ARRDC4: variants seen among roughly 807,000 people sequenced by gnomAD.
The protein encoded by ARRDC4 is arrestin domain-containing protein 4.
In ARRDC4, 40 loss-of-function variants were observed where a neutral mutation model predicts 44.6. That is an observed-to-expected ratio of 0.90 (90% CI 0.70 to 1.17). The LOEUF (loss-of-function observed/expected upper bound fraction) is 1.17, where lower values mean the gene tolerates loss of function less well. Among genes scored for constraint, ARRDC4 ranks in the 50% most tolerant of loss-of-function variants. The pLI, the probability that ARRDC4 is intolerant of heterozygous loss-of-function variation, is 0.00. For missense variants in ARRDC4, 550 were observed against 559.1 expected, an observed-to-expected ratio of 0.98 and a Z score of 0.16; for synonymous variants, 211 against 221.2, an observed-to-expected ratio of 0.95 and a Z score of 0.41.
At chr15:97,969,453 A>G in intron 5 of ARRDC4, 74 bp downstream of exon 5, 1 of 1,511,176 alleles carries the variant, frequency 6.6e-7, no homozygotes, top group Non-Finnish European at 9.0e-7. Context: ...GTGGGTATGT[A>G]GAGTTGCCTA....
In ARRDC4 at chr15:97,960,819, G is replaced by A; in HGVS notation, c.-43G>A. 1.6e-6 allele frequency: 2 copies of A among 1,268,598 alleles called. No individual in the cohort carries two copies. Among genetic ancestry groups the A allele is most frequent in the Non-Finnish European group, 9.9e-7 (1 of 1,008,604 alleles). The allele number at this position is 1,268,598 out of a possible 1,614,324, so 78.6% of individuals were successfully genotyped here. The stretch of plus-strand genomic sequence containing the variant: ...CGCTGTGCTCGCGACCCCGGCTCCG[G>A]GCCTCTGCCGACCTCAGGGGCAGGA... On this transcript the variant is annotated 5_prime_UTR_variant, in exon 1 of 8. Coordinates refer to ENST00000268042, the MANE Select transcript of ARRDC4 (RefSeq NM_183376.3).
intron 5 of ARRDC4, 58 bp downstream of exon 5, chr15:97,969,437 G>C: frequency 3.2e-6 from 5 of 1,577,644 alleles, no homozygotes; most frequent in South Asian, 1.1e-5. Flanking sequence ...CTGATGTCAT[G>C]TTACTGTGGG....
rs1899523762 is a variant in ARRDC4 at position 97,971,990 on chromosome 15, T to C, written c.*803T>C. 6.6e-6 allele frequency: 1 copy of C among 152,580 alleles called. No homozygotes were observed. Among genetic ancestry groups the C allele is most frequent in the Non-Finnish European group, 1.5e-5 (1 of 68,018 alleles). 9.5% of individuals were successfully genotyped at this position (152,580 alleles called of 1,614,324 possible). ...CATATCTTATTTACCTAGGAGCATG[T>C]AAGAGAAAGAAGGGAGAGAAAAGGT... On this transcript the variant is annotated 3_prime_UTR_variant, in exon 8 of 8. Coordinates refer to ENST00000268042, the MANE Select transcript of ARRDC4 (RefSeq NM_183376.3).
At position 97,970,889 on chromosome 15, in the gene ARRDC4, C is replaced by T. The variant is rs1596306135; in HGVS notation, c.1200+146C>T. 7 of 1,078,428 alleles carry T rather than the reference C, an allele frequency of 6.5e-6. No homozygotes were observed. The highest frequency in any genetic ancestry group is 1.6e-5 in the African/African-American group (1 of 62,598). The allele number at this position is 1,078,428 out of a possible 1,614,324, so 66.8% of individuals were successfully genotyped here. A position where few individuals can be genotyped will look rare whatever the true frequency, so the allele number is the denominator to read the frequency against. On this transcript the variant is annotated intron_variant, in intron 7 of 7. Coordinates refer to ENST00000268042, the MANE Select transcript of ARRDC4 (RefSeq NM_183376.3). This position sits in a 1 kb window ranked among gnomAD's most constrained non-coding sequence, Gnocchi z 4.2. ...TGTTTATACAGTGGTAATAGATTAT[C>T]GCTGATTCATTTGCCAGATTTTTTT...
Position 97,971,826 on chromosome 15 carries a change from T to C in ARRDC4, c.*639T>C, listed in dbSNP as rs1899520763. On this transcript the variant is annotated 3_prime_UTR_variant, in exon 8 of 8. Coordinates refer to ENST00000268042, the MANE Select transcript of ARRDC4 (RefSeq NM_183376.3). ...TTTATAAATCGGCAGTACGGTATTA[T>C]GAAACCAAGAAAGGGTTTCTTGAAA... The C allele has an allele frequency of 1.3e-5, 2 of 152,206 alleles. No homozygotes were observed. Among genetic ancestry groups the C allele is most frequent in the South Asian group, 2.1e-4 (1 of 4,832 alleles). The allele number at this position is 152,206 out of a possible 1,614,324, so 9.4% of individuals were successfully genotyped here.
In ARRDC4 at chr15:97,965,539, G is replaced by T. The variant is rs951175456; in HGVS notation, c.308-61G>T. On this transcript the variant is annotated intron_variant, in intron 1 of 7. Transcript: ENST00000268042. This position sits in a 1 kb window ranked among gnomAD's most constrained non-coding sequence, Gnocchi z 5.1. The stretch of plus-strand genomic sequence containing the variant: ...CTTCCTTCAAAAAATTATTTACATT[G>T]TGAAAACTCTTGATCTAATACTAAC... 1.5e-6 allele frequency: 2 copies of T among 1,378,880 alleles called. No homozygotes were observed. The highest frequency in any genetic ancestry group is 2.1e-6 in the Non-Finnish European group (2 of 975,582). The allele number at this position is 1,378,880 out of a possible 1,614,324, so 85.4% of individuals were successfully genotyped here. A position where few individuals can be genotyped will look rare whatever the true frequency, so the allele number is the denominator to read the frequency against.
intron 1 of ARRDC4, among the ~76,000 whole-genome samples, chr15:97,962,459 T>C (rs1309635243): frequency 6.6e-6 from 1 of 152,196 alleles, no homozygotes; most frequent in Non-Finnish European, 1.5e-5. Flanking sequence ...GAGACATACA[T>C]TGATTTTTGT....
In ARRDC4 at chr15:97,960,795, G is replaced by T; in HGVS notation, c.-67G>T. On this transcript the variant is annotated 5_prime_UTR_variant, in exon 1 of 8. Coordinates refer to ENST00000268042, the MANE Select transcript of ARRDC4 (RefSeq NM_183376.3). ...CGCGAGCGCCTGTGACAGCGGCGCC[G>T]CTGTGCTCGCGACCCCGGCTCCGGG... The T allele has an allele frequency of 8.0e-7, 1 of 1,244,944 alleles. No homozygotes were observed. The highest frequency in any genetic ancestry group is 1.0e-6 in the Non-Finnish European group (1 of 992,014). The allele number at this position is 1,244,944 out of a possible 1,614,324, so 77.1% of individuals were successfully genotyped here. A position where few individuals can be genotyped will look rare whatever the true frequency, so the allele number is the denominator to read the frequency against.
At position 97,969,128 on chromosome 15, in the gene ARRDC4, G is replaced by A. The variant is rs1420084362; in HGVS notation, c.631G>A (p.Ala211Thr). Residue 211 changes from alanine (A) to threonine (T), a missense_variant, in exon 5 of 8, where the codon GCT (alanine) becomes ACT (threonine). Coordinates refer to ENST00000268042, the MANE Select transcript of ARRDC4 (RefSeq NM_183376.3). ...TGGTTTTGTTTTCTTTTTAGGAGAAGCTATTCCAATCTATGCAGAAATAGA... is the reference window on the plus strand; with the variant it reads ...TGGTTTTGTTTTCTTTTTAGGAGAAACTATTCCAATCTATGCAGAAATAGA... ...IERKGYCNGE[A>T]IPIYAEIENC... 1 of 1,612,064 alleles carries A rather than the reference G, an allele frequency of 6.2e-7. No homozygotes were observed. The highest frequency in any genetic ancestry group is 1.7e-5 in the Admixed American group (1 of 59,902).
chr15:97,968,187 AAT>A lies in ARRDC4; in HGVS notation c.625+73_625+74del, dbSNP rs1899450707. 2 of 1,040,292 alleles carry A rather than the reference AAT, an allele frequency of 1.9e-6. No homozygotes were observed. The highest frequency in any genetic ancestry group is 1.7e-5 in the African/African-American group (1 of 60,576). 64.4% of individuals were successfully genotyped at this position (1,040,292 alleles called of 1,614,324 possible). On this transcript the variant is annotated intron_variant, in intron 4 of 7. Coordinates refer to ENST00000268042, the MANE Select transcript of ARRDC4 (RefSeq NM_183376.3). This position sits in a 1 kb window ranked among gnomAD's most constrained non-coding sequence, Gnocchi z 5.4. ...TCTTAGCTAATTTTAAGTGATTTTA[AAT>A]AGTGTTTTTTGTAATTATATGACGT...
rs1415959489 is a variant in ARRDC4 at position 97,972,281 on chromosome 15, T to C, written c.*1094T>C. On this transcript the variant is annotated 3_prime_UTR_variant, in exon 8 of 8. Coordinates refer to ENST00000268042, the MANE Select transcript of ARRDC4 (RefSeq NM_183376.3). This position sits in a 1 kb window ranked among gnomAD's most constrained non-coding sequence, Gnocchi z 5.3. ...AAATAAACACCAAACCAAAAGAAGG[T>C]AGGAGTGCCATTTTTAGAAAAGACA... The C allele has an allele frequency of 2.0e-5, 3 of 152,558 alleles. No homozygotes were observed. Among genetic ancestry groups the C allele is most frequent in the African/African-American group, 7.2e-5 (3 of 41,418 alleles). 9.5% of individuals were successfully genotyped at this position (152,558 alleles called of 1,614,324 possible). A position where few individuals can be genotyped will look rare whatever the true frequency, so the allele number is the denominator to read the frequency against.
chr15:97,965,907 C>G lies in ARRDC4; in HGVS notation c.387C>G (p.Thr129=). ...TGGTTGGTTTCAGACCTTTGGTCAC[C>G]TCGTTTACTGGGAAATATGGAAGCA... is the stretch of plus-strand genomic sequence containing the variant. ...RFQLPSEPLV[T]SFTGKYGSIQ... Residue 129 remains threonine (T), a synonymous_variant, in exon 3 of 8, where the codon ACC becomes ACG. Coordinates refer to ENST00000268042, the MANE Select transcript of ARRDC4 (RefSeq NM_183376.3). The surrounding 1 kb of genome is among the most constrained non-coding windows in gnomAD (Gnocchi z 5.1). 6.2e-7 allele frequency: 1 copy of G among 1,613,948 alleles called. No homozygotes were observed. The highest frequency in any genetic ancestry group is 8.5e-7 in the Non-Finnish European group (1 of 1,179,994).
At position 97,965,967 on chromosome 15, in the gene ARRDC4, C is replaced by T; in HGVS notation, c.447C>T (p.Pro149=). 1 of 1,614,128 alleles carries T rather than the reference C, an allele frequency of 6.2e-7. No homozygotes were observed. The highest frequency in any genetic ancestry group is 1.1e-5 in the South Asian group (1 of 91,086). Residue 149 remains proline (P), a synonymous_variant, in exon 3 of 8, where the codon CCC becomes CCT. Coordinates refer to ENST00000268042, the MANE Select transcript of ARRDC4 (RefSeq NM_183376.3). This position sits in a 1 kb window ranked among gnomAD's most constrained non-coding sequence, Gnocchi z 5.1. The stretch of plus-strand genomic sequence containing the variant: ...GTGTGCGGGCAGTGTTGGAACGACC[C>T]AAGGTACCTGATCAGAGTGTAAAGC... ...QYCVRAVLER[P]KVPDQSVKRE... is the part of the protein sequence containing the mutation.
At position 97,961,092 on chromosome 15, in the gene ARRDC4, C is replaced by T. The variant is rs112100339; in HGVS notation, c.231C>T (p.Ala77=). ...CGAGCACCTGCCCCCGCGCCTCGGC[C>T]AGCACCGCGGCCCTGGCTGTCTTCT... The part of the protein sequence containing the change: ...WGPSTCPRAS[A]STAALAVFSE... Residue 77 remains alanine (A), a synonymous_variant, in exon 1 of 8, where the codon GCC becomes GCT. Transcript: ENST00000268042. The T allele has an allele frequency of 0.29, 412,551 of 1,442,820 alleles. 62,623 individuals carry two copies. The highest frequency in any genetic ancestry group is 0.31 in the Non-Finnish European group (340,013 of 1,104,556). The allele number at this position is 1,442,820 out of a possible 1,614,324, so 89.4% of individuals were successfully genotyped here.
rs1202775525 is a variant in ARRDC4, at chr15:97,968,193, G to GT, written c.625+83dup. 3 of 948,088 alleles carry GT rather than the reference G, an allele frequency of 3.2e-6. No homozygotes were observed. Among genetic ancestry groups the GT allele is most frequent in the Non-Finnish European group, 4.6e-6 (3 of 653,706 alleles). 58.7% of individuals were successfully genotyped at this position (948,088 alleles called of 1,614,324 possible). ...CTAATTTTAAGTGATTTTAAATAGT[G>GT]TTTTTTGTAATTATATGACGTGTAT... On this transcript the variant is annotated intron_variant, in intron 4 of 7. Coordinates refer to ENST00000268042, the MANE Select transcript of ARRDC4 (RefSeq NM_183376.3). The surrounding 1 kb of genome is among the most constrained non-coding windows in gnomAD (Gnocchi z 5.4).
chr15:97,971,145 T>C lies in ARRDC4; in HGVS notation c.1215T>C (p.Pro405=). The change falls in exon 8 of 8, where the codon CCT becomes CCC. Residue 405 remains proline, a synonymous_variant. Transcript: ENST00000268042. ...TTTTTTTGCAGGTTGACCCACATCC[T>C]AGCGACGTAGAAGAGAGCCAGCCTG... ...PPLYSEVDPH[P]SDVEESQPVS... The C allele has an allele frequency of 1.2e-6, 2 of 1,613,434 alleles. No individual in the cohort carries two copies. Among genetic ancestry groups the C allele is most frequent in the Non-Finnish European group, 1.7e-6 (2 of 1,179,426 alleles).
chr15:97,968,185 TA>T lies in ARRDC4; in HGVS notation c.625+72del, dbSNP rs1264613822. 4 of 1,039,840 alleles carry T rather than the reference TA, an allele frequency of 3.8e-6. No homozygotes were observed. The African/African-American group carries it at 6.6e-5, about 17-fold the overall frequency. The allele number at this position is 1,039,840 out of a possible 1,614,324, so 64.4% of individuals were successfully genotyped here. Reference sequence around the variant, plus strand: ...TTTCTTAGCTAATTTTAAGTGATTTTAAATAGTGTTTTTTGTAATTATATGA... The same window carrying T: ...TTTCTTAGCTAATTTTAAGTGATTTTAATAGTGTTTTTTGTAATTATATGA... On this transcript the variant is annotated intron_variant, in intron 4 of 7. Coordinates refer to ENST00000268042, the MANE Select transcript of ARRDC4 (RefSeq NM_183376.3). The surrounding 1 kb of genome is among the most constrained non-coding windows in gnomAD (Gnocchi z 5.4).
In ARRDC4 at chr15:97,961,023, G is replaced by C. The variant is rs1295242208; in HGVS notation, c.162G>C (p.Ala54=). ...CGTCCGAGCCGGTGGCCCTGCGCGC[G>C]CTGCGCCTGGAGGCCCAGGGGCGCG... ...LEASEPVALR[A]LRLEAQGRAT... Residue 54 remains alanine, a synonymous_variant, in exon 1 of 8, where the codon GCG becomes GCC. Transcript: ENST00000268042. The C allele has an allele frequency of 1.4e-6, 2 of 1,436,690 alleles. No homozygotes were observed. Among genetic ancestry groups the C allele is most frequent in the African/African-American group, 1.5e-5 (1 of 67,748 alleles). The allele number at this position is 1,436,690 out of a possible 1,614,324, so 89.0% of individuals were successfully genotyped here. A position where few individuals can be genotyped will look rare whatever the true frequency, so the allele number is the denominator to read the frequency against.
rs1899467203 is a variant in ARRDC4 at position 97,969,242 on chromosome 15, C to T, written c.745C>T (p.His249Tyr). 5 of 1,613,904 alleles carry T rather than the reference C, an allele frequency of 3.1e-6. No individual in the cohort carries two copies. Among genetic ancestry groups the T allele is most frequent in the Non-Finnish European group, 4.2e-6 (5 of 1,179,896 alleles). ...TAGTGGAAAAACAAAGACCATTCGA[C>T]ACATGGTCGCCAATGTGCGAGGAAA... Reference protein sequence around the residue: ...LASGKTKTIRHMVANVRGNHI... With the variant: ...LASGKTKTIRYMVANVRGNHI... The change falls in exon 5 of 8, where the codon CAC becomes TAC. Residue 249 changes from histidine to tyrosine, a missense_variant. Physicochemically the swap from His to Tyr is moderately conservative, Grantham distance 83. Transcript: ENST00000268042.
Sources: allele counts gnomAD v4.1 joint callset (sites outside exome capture counted in the v4.1 genomes callset), GRCh38; gene constraint gnomAD v4.1.1; non-coding constraint Gnocchi (gnomAD v3.1); transcripts MANE v1.5; gene names NCBI Gene and HGNC (gene_info 2026-07-23, HGNC 2026-07-21).